The following DACH2 variants were observed in gnomAD, a reference collection of about 807,000 sequenced individuals.
DACH2 encodes the protein dachshund homolog 2.
A neutral mutation model predicts 35.8 loss-of-function variants in DACH2; 17 were observed. The observed-to-expected ratio is 0.48, with a 90% CI of 0.33 to 0.71. The LOEUF (loss-of-function observed/expected upper bound fraction) is 0.71, where lower values mean the gene tolerates loss of function less well. DACH2 is among the 30% of genes least tolerant of loss of function. The pLI is 0.02. For synonymous variants in DACH2, 195 were observed against 177.3 expected (o/e 1.10, Z -0.79); for missense variants, 469 against 472.7 (o/e 0.99, Z 0.07).
chrX:86,278,644 TG>T (rs1489732306), intron 1 of DACH2, among the ~76,000 whole-genome samples: 6 of 112,082 alleles, frequency 5.4e-5, no homozygotes, highest in Non-Finnish European at 1.1e-4. Context: ...TACTGACTTT[TG>T]GAGTTTCTTT....
intron 3 of DACH2, among the ~76,000 whole-genome samples, chrX:86,610,389 CT>C (rs1172122298): frequency 1.2e-5 from 1 of 84,216 alleles, no homozygotes; most frequent in Non-Finnish European, 2.2e-5. Flanking sequence ...TTCTTTCTTT[CT>C]TTCTTTCTTT....
chrX:86,489,375 A>G (rs904887719), intron 2 of DACH2, among the ~76,000 whole-genome samples: 2 of 110,874 alleles, frequency 1.8e-5, no homozygotes, highest in Non-Finnish European at 3.8e-5. Flanking sequence ...GCATATATTT[A>G]TGGAAGAATG....
At chrX:86,667,454 AGAAAGAAT>A (rs1293031014) in intron 4 of DACH2, among the ~76,000 whole-genome samples, 1 of 91,703 alleles carries the variant, frequency 1.1e-5, no homozygotes, top group African/African-American at 5.5e-5. Flanking sequence ...AGAAAGAGAA[AGAAAGAAT>A]GAATGAAAGA....
At chrX:86,397,786 G>A (rs994200417) in intron 2 of DACH2, among the ~76,000 whole-genome samples, 4 of 111,481 alleles carry the variant, frequency 3.6e-5, no homozygotes, top group Non-Finnish European at 7.5e-5. Context: ...TGCTGGATTC[G>A]GTTTGCCATA....
intron 4 of DACH2, among the ~76,000 whole-genome samples, chrX:86,688,722 T>A (rs762201572): frequency 8.9e-6 from 1 of 112,060 alleles, no homozygotes; most frequent in South Asian, 3.7e-4. Context: ...ACATGTTGAA[T>A]TGAAGATGCT....
At chrX:86,339,606 C>T (rs2035378960) in intron 1 of DACH2, among the ~76,000 whole-genome samples, 1 of 111,383 alleles carries the variant, frequency 9.0e-6, no homozygotes, top group Admixed American at 9.6e-5. Context: ...AAATGACTTG[C>T]TCAAGGTCAC....
At chrX:86,440,065 A>G (rs1233716672) in intron 2 of DACH2, among the ~76,000 whole-genome samples, 4 of 111,300 alleles carry the variant, frequency 3.6e-5, no homozygotes, top group Non-Finnish European at 7.5e-5. Context: ...GAATGTTCCA[A>G]GTGAACTTGA....
At chrX:86,787,525 A>G (rs1044026476) in intron 7 of DACH2, among the ~76,000 whole-genome samples, 2 of 109,991 alleles carry the variant, frequency 1.8e-5, no homozygotes, top group South Asian at 8.0e-4. Flanking sequence ...GGCTGAGGCA[A>G]AAGAGTCTCT....
chrX:86,529,997 A>ACT, intron 3 of DACH2, among the ~76,000 whole-genome samples: 1 of 109,060 alleles, frequency 9.2e-6, no homozygotes, highest in Middle Eastern at 4.7e-3. Flanking sequence ...ACACACACAC[A>ACT]CACACACAAT....
At chrX:86,317,011 G>T (rs1028928514) in intron 1 of DACH2, among the ~76,000 whole-genome samples, 1 of 108,460 alleles carries the variant, frequency 9.2e-6, no homozygotes, top group Non-Finnish European at 1.9e-5. Context: ...CCAGCTACTT[G>T]GGAGGCTGAG....
chrX:86,643,267 A>C (rs1378557046), intron 3 of DACH2, among the ~76,000 whole-genome samples: 2 of 109,257 alleles, frequency 1.8e-5, no homozygotes, highest in Non-Finnish European at 3.8e-5. Context: ...CACAATTAGA[A>C]ATGAGGAAGG....
intron 2 of DACH2, among the ~76,000 whole-genome samples, chrX:86,416,775 G>A (rs2036710063): frequency 9.1e-6 from 1 of 110,255 alleles, no homozygotes; most frequent in African/African-American, 3.3e-5. Flanking sequence ...GAGAGAGAGG[G>A]GAGGGAATTG....
chrX:86,477,484 C>T (rs1055519677), intron 2 of DACH2, among the ~76,000 whole-genome samples: 2 of 107,189 alleles, frequency 1.9e-5, no homozygotes, highest in Admixed American at 1.0e-4. Flanking sequence ...TATAGTGACA[C>T]CTGCTCTTTT....
chrX:86,528,851 T>C (rs776193595), intron 3 of DACH2, among the ~76,000 whole-genome samples: 21 of 112,351 alleles, frequency 1.9e-4, no homozygotes, highest in South Asian at 1.5e-3. Context: ...ACATGTGAAA[T>C]GCTATTACAT....
At chrX:86,788,192 T>A (rs766707929) in intron 7 of DACH2, among the ~76,000 whole-genome samples, 1 of 110,920 alleles carries the variant, frequency 9.0e-6, no homozygotes, top group Admixed American at 9.7e-5. Flanking sequence ...CATATACCAG[T>A]TAAACTCTGC....
intron 3 of DACH2, among the ~76,000 whole-genome samples, chrX:86,586,392 T>C (rs772453623): frequency 9.5e-4 from 106 of 111,975 alleles, no homozygotes; most frequent in Admixed American, 1.7e-3. Flanking sequence ...TAGTTTCTTT[T>C]GCTATGGAAA....
At chrX:86,547,564 CA>C (rs2038993535) in intron 3 of DACH2, among the ~76,000 whole-genome samples, 5 of 105,580 alleles carry the variant, frequency 4.7e-5, no homozygotes, top group Non-Finnish European at 7.8e-5. Flanking sequence ...CACACACACA[CA>C]CACCACAGCT....
intron 1 of DACH2, among the ~76,000 whole-genome samples, chrX:86,358,973 G>C (rs1052101949): frequency 3.6e-5 from 4 of 110,983 alleles, no homozygotes; most frequent in Non-Finnish European, 7.5e-5. Context: ...AGGAGCTACT[G>C]TCACAGAGCC....
At chrX:86,527,643 T>A (rs1428967793) in intron 3 of DACH2, among the ~76,000 whole-genome samples, 1 of 112,442 alleles carries the variant, frequency 8.9e-6, no homozygotes, top group African/African-American at 3.2e-5. Context: ...GCTATTGTGA[T>A]TGACACTGCT....
Sources: allele counts gnomAD v4.1 joint callset (sites outside exome capture counted in the v4.1 genomes callset), GRCh38; gene constraint gnomAD v4.1.1; transcripts MANE v1.5; gene names NCBI Gene and HGNC (gene_info 2026-07-23, HGNC 2026-07-21).